Variants in LRIG1 observed in about 807,000 individuals in gnomAD.
LRIG1 encodes leucine-rich repeats and immunoglobulin-like domains protein 1.
Under a neutral mutation model 99.2 loss-of-function variants are expected in LRIG1, and 48 were observed. The observed-to-expected ratio is 0.48, with a 90% CI of 0.38 to 0.62. The LOEUF (loss-of-function observed/expected upper bound fraction) is 0.62, where lower values mean the gene tolerates loss of function less well. LRIG1 is among the 20% of genes least tolerant of loss of function. LRIG1 has a pLI of 0.00. For synonymous variants in LRIG1, 772 were observed against 596.1 expected, an observed-to-expected ratio of 1.29 and a Z score of -4.30; for missense variants, 1,646 against 1,434.4, an observed-to-expected ratio of 1.15 and a Z score of -2.38.
At chr3:66,397,515 C>T (rs1034287879) in intron 11 of LRIG1, among the ~76,000 whole-genome samples, 1 of 152,090 alleles carries the variant, frequency 6.6e-6, no homozygotes, top group South Asian at 2.1e-4. Context: ...GACTAGCTCC[C>T]CTGCCAGAGT....
intron 3 of LRIG1, chr3:66,417,618 G>A (rs1424728267): frequency 1.4e-5 from 3 of 212,328 alleles, no homozygotes; most frequent in Non-Finnish European, 2.9e-5. Context: ...CAGCCAGACA[G>A]CTCCAGTCCA....
chr3:66,486,138 G>A (rs979388044), intron 1 of LRIG1, among the ~76,000 whole-genome samples: 1 of 152,128 alleles, frequency 6.6e-6, no homozygotes, highest in Admixed American at 6.5e-5. Flanking sequence ...GATATATCCT[G>A]CTGCAGAAAG....
chr3:66,457,639 T>C lies in LRIG1; in HGVS notation c.290+4799A>G, dbSNP rs933478346. Among the ~76,000 whole-genome samples, 20 of 152,288 alleles carry C rather than the reference T, an allele frequency of 1.3e-4. 1 individual carries two copies. Among genetic ancestry groups the C allele is most frequent in the African/African-American group, 4.8e-4 (20 of 41,556 alleles). On this transcript the variant is annotated intron_variant, in intron 2 of 18. Coordinates refer to ENST00000273261, the MANE Select transcript of LRIG1 (RefSeq NM_015541.3). ...GTAACACCAACAATGTGTTACGATG[T>C]CAATGTTACAGAAGAAAGAAAGCAA...
chr3:66,429,934 A>T (rs180697323), intron 3 of LRIG1, among the ~76,000 whole-genome samples: 1 of 151,342 alleles, frequency 6.6e-6, no homozygotes, highest in Non-Finnish European at 1.5e-5. Flanking sequence ...AAAACCTCCT[A>T]AAGTATTAAG....
At position 66,500,473 on chromosome 3, in the gene LRIG1, G is replaced by A; in HGVS notation, c.-66C>T. ...TGAGGACCCGAACGGCCGCAGACGC[G>A]GGCGGGCCCGCGGGGCGCTCCGCTC... On this transcript the variant is annotated 5_prime_UTR_variant, in exon 1 of 19. Transcript: ENST00000273261. 2.0e-6 allele frequency: 2 copies of A among 989,952 alleles called. No homozygotes were observed. Among genetic ancestry groups the A allele is most frequent in the South Asian group, 2.7e-5 (1 of 36,670 alleles). The allele number at this position is 989,952 out of a possible 1,614,324, so 61.3% of individuals were successfully genotyped here. A position where few individuals can be genotyped will look rare whatever the true frequency, so the allele number is the denominator to read the frequency against.
intron 14 of LRIG1, among the ~76,000 whole-genome samples, chr3:66,383,723 A>C (rs139152419): frequency 5.0e-4 from 67 of 134,990 alleles, no homozygotes; most frequent in African/African-American, 1.9e-3. Flanking sequence ...GTAGCTCTTG[A>C]CCAAGCCCAC....
rs1702309565 is a variant in LRIG1, at chr3:66,407,452, C to T, written c.975G>A (p.Glu325=). 9.9e-6 allele frequency: 16 copies of T among 1,613,998 alleles called. No individual in the cohort carries two copies. In the East Asian group the frequency reaches 3.6e-4, roughly 36 times the overall value. ...TCAGGCTGCTCAGCTCGGCCAGGCT[C>T]TCCTCGTCCAGCCGTGTCAGGTTGT... ...SFNNLTRLDE[E]SLAELSSLSV... Residue 325 remains glutamate, a synonymous_variant, in exon 8 of 19, where the codon GAG becomes GAA. Coordinates refer to ENST00000273261, the MANE Select transcript of LRIG1 (RefSeq NM_015541.3).
chr3:66,406,021 T>C, intron 8 of LRIG1: 2 of 988,756 alleles, frequency 2.0e-6, no homozygotes, highest in Non-Finnish European at 2.4e-6. Flanking sequence ...CCTCTCCAAC[T>C]TTCCACAAGG....
chr3:66,462,984 A>G (rs1390546186), intron 1 of LRIG1, among the ~76,000 whole-genome samples: 1 of 152,184 alleles, frequency 6.6e-6, no homozygotes, highest in African/African-American at 2.4e-5. Context: ...TTTGCCCCCC[A>G]GAGGACACTT....
chr3:66,468,071 G>C (rs1700515325), intron 1 of LRIG1, among the ~76,000 whole-genome samples: 1 of 152,174 alleles, frequency 6.6e-6, no homozygotes, highest in Admixed American at 6.5e-5. Context: ...AATTCTATAG[G>C]CTTAAACGGT....
chr3:66,435,607 G>A (rs1447967616), intron 3 of LRIG1, among the ~76,000 whole-genome samples: 1 of 152,066 alleles, frequency 6.6e-6, no homozygotes, highest in African/African-American at 2.4e-5. Context: ...AACCAAGGGT[G>A]TGAGGGCAAG....
chr3:66,449,341 C>T (rs890444108), intron 3 of LRIG1, among the ~76,000 whole-genome samples: 1 of 152,220 alleles, frequency 6.6e-6, no homozygotes, highest in South Asian at 2.1e-4. Flanking sequence ...AGAGAAATCA[C>T]TGACCAAGTC....
intron 3 of LRIG1, among the ~76,000 whole-genome samples, chr3:66,431,172 A>C (rs986249155): frequency 7.2e-5 from 11 of 152,186 alleles, no homozygotes; most frequent in African/African-American, 2.7e-4. Context: ...TTTGAGAAGA[A>C]GGCTAAACAT....
intron 9 of LRIG1, among the ~76,000 whole-genome samples, chr3:66,399,325 G>A (rs545863338): frequency 6.6e-6 from 1 of 152,208 alleles, no homozygotes; most frequent in Non-Finnish European, 1.5e-5. Flanking sequence ...GCCCCTCCCA[G>A]TGTTAGGCAG....
intron 3 of LRIG1, among the ~76,000 whole-genome samples, chr3:66,427,356 C>T (rs1172501301): frequency 6.6e-6 from 1 of 152,258 alleles, no homozygotes. Flanking sequence ...GTGAGACTAT[C>T]TGAGACCCTC....
Position 66,384,183 on chromosome 3 carries a change from T to C in LRIG1, c.1879A>G (p.Asn627Asp). Reference protein sequence around the residue: ...RLECAATGHPNPQIAWQKDGG... With the variant: ...RLECAATGHPDPQIAWQKDGG... ...TCCTTCTGCCAGGCAATCTGAGGGT[T>C]TGGGTGACCTGTGGCAGCACATTCG... is the stretch of plus-strand genomic sequence containing the variant. The change falls in exon 14 of 19, where the codon AAC becomes GAC. Residue 627 changes from asparagine to aspartate, a missense_variant. Asn to Asp is a conservative substitution (Grantham distance 23). Coordinates refer to ENST00000273261, the MANE Select transcript of LRIG1 (RefSeq NM_015541.3). The C allele has an allele frequency of 1.9e-6, 3 of 1,614,134 alleles. No individual in the cohort carries two copies. Among genetic ancestry groups the C allele is most frequent in the South Asian group, 2.2e-5 (2 of 91,078 alleles).
At chr3:66,437,746 C>T (rs1559799271) in intron 3 of LRIG1, among the ~76,000 whole-genome samples, 1 of 152,124 alleles carries the variant, frequency 6.6e-6, no homozygotes, top group Non-Finnish European at 1.5e-5. Flanking sequence ...TGCCATCAGC[C>T]CCTCACCCCA....
chr3:66,406,475 G>A (rs980596958), intron 8 of LRIG1: 2 of 955,016 alleles, frequency 2.1e-6, no homozygotes, highest in Non-Finnish European at 2.5e-6. Context: ...CACACTCCCT[G>A]GCAATGGCTC....
chr3:66,437,407 G>T (rs1034737281), intron 3 of LRIG1, among the ~76,000 whole-genome samples: 10 of 152,184 alleles, frequency 6.6e-5, no homozygotes, highest in African/African-American at 2.2e-4. Context: ...TGGGCCAGGC[G>T]GCCTCTCACA....
Sources: gnomAD v4.1 joint callset for allele counts (sites outside exome capture counted in the v4.1 genomes callset) on GRCh38, gnomAD v4.1.1 for gene constraint, MANE v1.5 for transcripts, NCBI Gene and HGNC (gene_info 2026-07-23, HGNC 2026-07-21) for gene names.